Variants in IL16 observed in about 807,000 individuals in gnomAD.
The protein encoded by IL16 is interleukin 16.
A neutral mutation model predicts 110.1 loss-of-function variants in IL16; 67 were observed. The observed-to-expected ratio is 0.61, with a 90% CI of 0.50 to 0.75. The LOEUF (loss-of-function observed/expected upper bound fraction) is 0.75, where lower values mean the gene tolerates loss of function less well. Ranked by LOEUF, IL16 falls within the 30% of genes least tolerant of loss-of-function variation. The probability of loss-of-function intolerance (pLI) is 0.00; values close to 1 mark genes in which losing one functional copy is unlikely to be tolerated. For missense variants in IL16, 1,545 were observed against 1,655.0 expected (o/e 0.93, Z 1.15); for synonymous variants, 689 against 662.9 (o/e 1.04, Z -0.61).
chr15:81,292,360 A>T, intron 11 of IL16, 196 bp from the exon 12 acceptor site: 1 of 746,454 alleles, frequency 1.3e-6, no homozygotes, highest in Non-Finnish European at 2.3e-6. Context: ...AGCTTGAATG[A>T]TTTTCCCAAC....
chr15:81,189,928 C>T (rs191153233), intron 1 of IL16, among the ~76,000 whole-genome samples: 3 of 152,326 alleles, frequency 2.0e-5, no homozygotes, highest in African/African-American at 7.2e-5. Context: ...CAGGAAGCGG[C>T]GTTCCTCAGA....
At chr15:81,245,242 A>T (rs1897495582) in intron 2 of IL16, among the ~76,000 whole-genome samples, 1 of 152,116 alleles carries the variant, frequency 6.6e-6, no homozygotes, top group African/African-American at 2.4e-5. Flanking sequence ...GACTTTTAAA[A>T]ATTGTTATGA....
intron 7 of IL16, 135 bp downstream of exon 7, chr15:81,279,025 G>T (rs76690603): frequency 5.4e-5 from 37 of 680,056 alleles, no homozygotes; most frequent in African/African-American, 1.1e-4. Flanking sequence ...TGATCTTGGC[G>T]CAGGGTTAAA....
In IL16 at chr15:81,278,893, G is replaced by T; in HGVS notation, c.864+3G>T. On this transcript the variant is annotated splice_donor_region_variant and intron_variant, in intron 7 of 18. Coordinates refer to ENST00000683961, the MANE Select transcript of IL16 (RefSeq NM_172217.5). ...AGGATGCTTTGCAGAAGTTCAAGGT[G>T]ACCATTTCTTATCAACACGTGACCA... is the stretch of plus-strand genomic sequence containing the variant. 6.2e-7 allele frequency: 1 copy of T among 1,606,950 alleles called. No individual in the cohort carries two copies. The highest frequency in any genetic ancestry group is 1.1e-5 in the South Asian group (1 of 90,924).
chr15:81,194,844 C>T (rs958897645), upstream of IL16, among the ~76,000 whole-genome samples: 1 of 152,128 alleles, frequency 6.6e-6, no homozygotes, highest in Non-Finnish European at 1.5e-5. Context: ...TAATTTTCAT[C>T]GTAGCAAACT....
intron 6 of IL16, among the ~76,000 whole-genome samples, 158 bp downstream of exon 6, chr15:81,273,362 CT>C (rs1218261715): frequency 6.6e-6 from 1 of 152,148 alleles, no homozygotes; most frequent in Non-Finnish European, 1.5e-5. Context: ...GGGGACACAG[CT>C]CCCCCGAGGG....
chr15:81,285,192 C>A (rs1176295670), intron 9 of IL16, among the ~76,000 whole-genome samples: 5 of 152,092 alleles, frequency 3.3e-5, no homozygotes, highest in Non-Finnish European at 7.4e-5. Context: ...CAACTGCTCT[C>A]CTGTTGAGTT....
At chr15:81,273,280 A>G in intron 6 of IL16, 76 bp downstream of exon 6, 1 of 1,064,092 alleles carries the variant, frequency 9.4e-7, no homozygotes, top group Non-Finnish European at 1.4e-6. Flanking sequence ...GCCATAGAAG[A>G]TGTTGGGAAT....
rs776503796 is a variant in IL16, at chr15:81,292,694, C to G, written c.1559C>G (p.Ser520Cys). ...SSSDSSYMSG[S>C]PGGSPGSGSA... ...AGTGACAGCAGCTACATGTCTGGGT[C>G]CCCAGGGGGAAGTCCTGGGAGTGGC... Residue 520 changes from serine to cysteine, a missense_variant, in exon 12 of 19, where the codon TCC (serine) becomes TGC (cysteine). Physicochemically the swap from Ser to Cys is moderately radical, Grantham distance 112 (BLOSUM62 -1). Around this residue, in one of 3 missense-constraint regions of IL16, gnomAD observed 1,185 missense variants for 1,238.8 expected, o/e 0.96. Coordinates refer to ENST00000683961, the MANE Select transcript of IL16 (RefSeq NM_172217.5). The G allele has an allele frequency of 1.2e-6, 2 of 1,614,100 alleles. 1 individual carries two copies. Among genetic ancestry groups the G allele is most frequent in the Non-Finnish European group, 1.7e-6 (2 of 1,179,994 alleles).
chr15:81,250,137 T>C lies in IL16; in HGVS notation c.313-9635T>C, dbSNP rs139887792. Among the ~76,000 whole-genome samples, 359 of 152,262 alleles carry C rather than the reference T, an allele frequency of 2.4e-3. 1 individual carries two copies. The highest frequency in any genetic ancestry group is 8.3e-3 in the African/African-American group (344 of 41,542). On this transcript the variant is annotated intron_variant, in intron 2 of 18. Coordinates refer to ENST00000683961, the MANE Select transcript of IL16 (RefSeq NM_172217.5). ...TTGGAAGTCTTCGCAGGTCTGATTA[T>C]GGTGTGTTGCTCCTTGTAGTTCTCT...
chr15:81,273,144 A>G lies in IL16; in HGVS notation c.730A>G (p.Ile244Val), dbSNP rs1898722876. The change falls in exon 6 of 19, where the codon ATT (isoleucine) becomes GTT (valine). Residue 244 changes from isoleucine to valine, a missense_variant. Around this residue, in one of 3 missense-constraint regions of IL16, gnomAD observed 1,185 missense variants for 1,238.8 expected, o/e 0.96. Transcript: ENST00000683961. ...AGACAGCATTTATGGCCCCATTGGG[A>G]TTTACGTCAAAACCATTTTTGCAGG... Reference protein sequence around the residue: ...GKDSIYGPIGIYVKTIFAGGA... With the variant: ...GKDSIYGPIGVYVKTIFAGGA... The G allele has an allele frequency of 1.9e-6, 3 of 1,613,694 alleles. No individual in the cohort carries two copies. Among genetic ancestry groups the G allele is most frequent in the Non-Finnish European group, 2.5e-6 (3 of 1,179,812 alleles).
intron 1 of IL16, among the ~76,000 whole-genome samples, chr15:81,187,782 G>A (rs1895439736): frequency 6.6e-6 from 1 of 152,238 alleles, no homozygotes; most frequent in East Asian, 1.9e-4. Context: ...AAGGCCCCCA[G>A]TTGTGGTGAG....
intron 1 of IL16, among the ~76,000 whole-genome samples, chr15:81,200,063 C>T (rs1021068467): frequency 3.3e-5 from 5 of 152,112 alleles, no homozygotes; most frequent in African/African-American, 1.2e-4. Context: ...ATCAACTTAG[C>T]GGGTTGGAAC....
rs1189199551 is a variant in IL16, at chr15:81,257,997, GACACACACACAGATGT to G, written c.313-1761_313-1746del. 2.0e-5 allele frequency among the ~76,000 whole-genome samples: 3 copies of G among 151,996 alleles called. No homozygotes were observed. In the East Asian group the frequency reaches 5.8e-4, roughly 29 times the overall value. On this transcript the variant is annotated intron_variant, in intron 2 of 18. Coordinates refer to ENST00000683961, the MANE Select transcript of IL16 (RefSeq NM_172217.5). ...TTTCCTGAAAGAAAACACACACACA[GACACACACACAGATGT>G]ACACACACACAGAGCATGTGCACAC... is the stretch of plus-strand genomic sequence containing the variant.
intron 2 of IL16, among the ~76,000 whole-genome samples, chr15:81,246,862 A>C (rs966657241): frequency 1.3e-5 from 2 of 151,956 alleles, no homozygotes; most frequent in African/African-American, 4.8e-5. Flanking sequence ...CTGTTTCTTT[A>C]ATTTTTACAG....
At chr15:81,263,359 T>TG (rs1898238610) in intron 3 of IL16, among the ~76,000 whole-genome samples, 1 of 150,396 alleles carries the variant, frequency 6.6e-6, no homozygotes, top group African/African-American at 2.5e-5. Context: ...TTTTTTTGTT[T>TG]TTTTTTTTTT....
At chr15:81,204,220 G>C (rs1895926112) in intron 1 of IL16, among the ~76,000 whole-genome samples, 1 of 152,058 alleles carries the variant, frequency 6.6e-6, no homozygotes, top group South Asian at 2.1e-4. Context: ...AGGAGATTTT[G>C]GGCTGAGACG....
rs1900708254 is a variant in IL16 at position 81,308,852 on chromosome 15, T to C, written c.*54T>C. 6.9e-7 allele frequency: 1 copy of C among 1,454,022 alleles called. No homozygotes were observed. The highest frequency in any genetic ancestry group is 9.4e-7 in the Non-Finnish European group (1 of 1,064,372). 90.1% of individuals were successfully genotyped at this position (1,454,022 alleles called of 1,614,324 possible). ...ACACACAGCTAACACACAGCTCCCA[T>C]AACCGCTGATTCTCAGGGTCTCTGC... On this transcript the variant is annotated 3_prime_UTR_variant, in exon 19 of 19. Transcript: ENST00000683961.
At chr15:81,294,295 C>T (rs1456696527) in intron 12 of IL16, among the ~76,000 whole-genome samples, 1 of 152,186 alleles carries the variant, frequency 6.6e-6, no homozygotes, top group Non-Finnish European at 1.5e-5. Flanking sequence ...TTCTCCCACC[C>T]CCTCTTTTAA....
Sources: allele counts gnomAD v4.1 joint callset (sites outside exome capture counted in the v4.1 genomes callset), GRCh38; gene constraint gnomAD v4.1.1; regional missense constraint gnomAD v4.1.1; transcripts MANE v1.5; gene names NCBI Gene and HGNC (gene_info 2026-07-23, HGNC 2026-07-21).